Variants in ARHGAP26 observed in about 807,000 individuals in gnomAD.
ARHGAP26 encodes the protein Rho GTPase activating protein 26, also known as rho GTPase-activating protein 26.
Under a neutral mutation model 104.8 loss-of-function variants are expected in ARHGAP26, and 38 were observed. That is an observed-to-expected ratio of 0.36 (90% confidence interval 0.28 to 0.48). ARHGAP26 has a LOEUF of 0.48. Ranked by LOEUF, ARHGAP26 falls within the 20% of genes least tolerant of loss-of-function variation. The pLI, the probability that ARHGAP26 is intolerant of heterozygous loss-of-function variation, is 0.99. For missense variants in ARHGAP26, 704 were observed against 947.9 expected (o/e 0.74, Z 3.38); for synonymous variants, 341 against 340.0 (o/e 1.00, Z -0.03).
At chr5:143,218,935 C>G (rs1810764917) in intron 22 of ARHGAP26, among the ~76,000 whole-genome samples, 1 of 152,212 alleles carries the variant, frequency 6.6e-6, no homozygotes, top group Non-Finnish European at 1.5e-5. Context: ...AGATGCTTAA[C>G]TTTTCACAGC....
chr5:142,994,825 T>G (rs968838021), intron 11 of ARHGAP26, among the ~76,000 whole-genome samples: 4 of 152,206 alleles, frequency 2.6e-5, no homozygotes, highest in Admixed American at 1.3e-4. Flanking sequence ...TGTGGTATGC[T>G]CTCCATTTTA....
Position 143,224,069 on chromosome 5 carries a change from A to G in ARHGAP26, c.*1623A>G, listed in dbSNP as rs1421953888. On this transcript the variant is annotated 3_prime_UTR_variant, in exon 23 of 23. Coordinates refer to ENST00000645722, the MANE Select transcript of ARHGAP26 (RefSeq NM_001135608.3). ...TTGTTAGGGAACTTTAAAGAAGAAA[A>G]GAAAAACTTGAATTGTGTTGAATTA... 4.3e-6 allele frequency: 1 copy of G among 230,838 alleles called. No homozygotes were observed. Among genetic ancestry groups the G allele is most frequent in the Non-Finnish European group, 8.6e-6 (1 of 116,438 alleles). The allele number at this position is 230,838 out of a possible 1,614,324, so 14.3% of individuals were successfully genotyped here. A position where few individuals can be genotyped will look rare whatever the true frequency, so the allele number is the denominator to read the frequency against.
intron 19 of ARHGAP26, among the ~76,000 whole-genome samples, chr5:143,141,293 A>C (rs1280796823): frequency 6.6e-6 from 1 of 152,262 alleles, no homozygotes; most frequent in Admixed American, 6.5e-5. Context: ...TTTTGGCACT[A>C]TCACCAAGTG....
At position 142,981,204 on chromosome 5, in the gene ARHGAP26, G is replaced by A. The variant is rs145358466; in HGVS notation, c.1108-32876G>A. 7.5e-3 allele frequency among the ~76,000 whole-genome samples: 1,140 copies of A among 152,324 alleles called. 11 individuals are homozygous for A. Among genetic ancestry groups the A allele is most frequent in the Non-Finnish European group, 0.012 (812 of 68,018 alleles). ...AGAACATAGGCTTTGCTGCCCGACA[G>A]CAGGAGTTCAAGTCCCAACCTTGCT... On this transcript the variant is annotated intron_variant, in intron 11 of 22. Coordinates refer to ENST00000645722, the MANE Select transcript of ARHGAP26 (RefSeq NM_001135608.3).
intron 11 of ARHGAP26, among the ~76,000 whole-genome samples, chr5:142,939,188 A>G (rs1394898952): frequency 6.6e-6 from 1 of 152,200 alleles, no homozygotes; most frequent in Admixed American, 6.5e-5. Context: ...TCTCGGATAG[A>G]TGATTCAGGT....
chr5:142,798,591 C>A (rs1197058232), intron 1 of ARHGAP26, among the ~76,000 whole-genome samples: 1 of 152,176 alleles, frequency 6.6e-6, no homozygotes, highest in Non-Finnish European at 1.5e-5. Flanking sequence ...TAAGAGCTGT[C>A]TTTCAAAAGC....
chr5:142,903,059 T>C (rs971172640), intron 7 of ARHGAP26, among the ~76,000 whole-genome samples: 1 of 152,190 alleles, frequency 6.6e-6, no homozygotes, highest in Admixed American at 6.5e-5. Flanking sequence ...CTGCCTTTCC[T>C]CTAGCCTTGT....
At chr5:142,823,641 G>C (rs2152084911) in intron 1 of ARHGAP26, among the ~76,000 whole-genome samples, 1 of 152,264 alleles carries the variant, frequency 6.6e-6, no homozygotes, top group African/African-American at 2.4e-5. Context: ...CCTTCCTCAA[G>C]GTGTAGGACC....
chr5:142,819,364 G>T (rs1244640261), intron 1 of ARHGAP26, among the ~76,000 whole-genome samples: 7 of 152,164 alleles, frequency 4.6e-5, no homozygotes, highest in Non-Finnish European at 1.0e-4. Flanking sequence ...CACTGATGGG[G>T]TAGACAGGTC....
chr5:143,042,784 C>A (rs2150157089), intron 14 of ARHGAP26, among the ~76,000 whole-genome samples: 1 of 152,308 alleles, frequency 6.6e-6, no homozygotes, highest in South Asian at 2.1e-4. Context: ...TCTCTTCTCT[C>A]ATGTTGGCCA....
chr5:142,976,603 T>A (rs1181059478), intron 11 of ARHGAP26, among the ~76,000 whole-genome samples: 1 of 152,208 alleles, frequency 6.6e-6, no homozygotes, highest in South Asian at 2.1e-4. Context: ...TAAGTAAGAC[T>A]GTGTATTGAA....
At chr5:143,162,966 A>AT (rs1276946458) in intron 20 of ARHGAP26, among the ~76,000 whole-genome samples, 1 of 151,842 alleles carries the variant, frequency 6.6e-6, no homozygotes, top group African/African-American at 2.4e-5. Flanking sequence ...AAAAAAAAAA[A>AT]GTTAGCTGAG....
intron 1 of ARHGAP26, among the ~76,000 whole-genome samples, chr5:142,811,807 C>A (rs1353598619): frequency 6.6e-6 from 1 of 152,168 alleles, no homozygotes; most frequent in Non-Finnish European, 1.5e-5. Flanking sequence ...AGCCTTGCAC[C>A]AGGCTTAGAA....
chr5:142,932,194 G>C, intron 11 of ARHGAP26, 69 bp downstream of exon 11: 1 of 1,445,676 alleles, frequency 6.9e-7, no homozygotes, highest in Non-Finnish European at 9.7e-7. Context: ...CCCTAGTGCA[G>C]TGATTTTTGC....
In ARHGAP26 at chr5:142,982,418, C is replaced by T. The variant is rs145649811; in HGVS notation, c.1108-31662C>T. 3.3e-3 allele frequency among the ~76,000 whole-genome samples: 495 copies of T among 152,292 alleles called. 2 individuals carry two copies. The highest frequency in any genetic ancestry group is 0.011 in the African/African-American group (464 of 41,570). Reference sequence around the variant, plus strand: ...CATGGCTGCTGGCTTCCCTCTGGGGCAGGACAGGGGGTGTCTTGTAGTGGG... The same window carrying T: ...CATGGCTGCTGGCTTCCCTCTGGGGTAGGACAGGGGGTGTCTTGTAGTGGG... On this transcript the variant is annotated intron_variant, in intron 11 of 22. Transcript: ENST00000645722.
chr5:142,931,223 C>T (rs1263055063), intron 10 of ARHGAP26, among the ~76,000 whole-genome samples: 2 of 152,208 alleles, frequency 1.3e-5, no homozygotes, highest in Admixed American at 1.3e-4. Flanking sequence ...GGTTTGGGGA[C>T]ACTCTGGGAT....
At chr5:142,895,485 C>T (rs1759343381) in intron 6 of ARHGAP26, among the ~76,000 whole-genome samples, 2 of 152,148 alleles carry the variant, frequency 1.3e-5, no homozygotes, top group African/African-American at 4.8e-5. Flanking sequence ...CCGCCTCGGC[C>T]TCCCAAAGTG....
At chr5:143,093,264 C>T (rs1791731310) in intron 17 of ARHGAP26, among the ~76,000 whole-genome samples, 1 of 151,878 alleles carries the variant, frequency 6.6e-6, no homozygotes. Flanking sequence ...GCAGTTGCCG[C>T]TACAGGTTGA....
chr5:143,008,468 A>G (rs1341605821), intron 11 of ARHGAP26, among the ~76,000 whole-genome samples: 5 of 152,230 alleles, frequency 3.3e-5, no homozygotes, highest in Admixed American at 3.3e-4. Context: ...ATGTTGACAC[A>G]TTGCCTTATT....
Sources: allele counts gnomAD v4.1 joint callset (sites outside exome capture counted in the v4.1 genomes callset), GRCh38; gene constraint gnomAD v4.1.1; transcripts MANE v1.5; gene names NCBI Gene and HGNC (gene_info 2026-07-23, HGNC 2026-07-21).